The following FMN2 variants were observed in gnomAD, a reference collection of about 807,000 sequenced individuals.
The protein encoded by FMN2 is formin 2.
FMN2 carries 51 observed loss-of-function variants against 142.3 expected under a neutral mutation model. The observed-to-expected ratio is 0.36, with a 90% CI of 0.29 to 0.45. The LOEUF is 0.45. Ranked by LOEUF, FMN2 falls within the 20% of genes least tolerant of loss-of-function variation. The pLI, the probability that FMN2 is intolerant of heterozygous loss-of-function variation, is 1.00. For missense variants in FMN2, 1,936 were observed against 2,122.8 expected (o/e 0.91, Z 1.73); for synonymous variants, 882 against 869.8 (o/e 1.01, Z -0.25).
At chr1:240,167,821 A>G (rs1279059777) in intron 2 of FMN2, among the ~76,000 whole-genome samples, 2 of 152,216 alleles carry the variant, frequency 1.3e-5, no homozygotes, top group Non-Finnish European at 2.9e-5. Flanking sequence ...TCACACCTGT[A>G]ATCCCAGCAC....
At chr1:240,264,853 T>G (rs986532383) in intron 7 of FMN2, among the ~76,000 whole-genome samples, 6 of 152,226 alleles carry the variant, frequency 3.9e-5, no homozygotes, top group African/African-American at 1.4e-4. Flanking sequence ...GTTTGAACTT[T>G]GCTTCTTCCG....
Position 240,092,447 on chromosome 1 carries a change from C to T in FMN2, c.338C>T (p.Ser113Phe), listed in dbSNP as rs372489487. The change falls in exon 1 of 18, where the codon TCC becomes TTC. Residue 113 changes from serine to phenylalanine, a missense_variant. Ser to Phe is a radical substitution (Grantham distance 155). Coordinates refer to ENST00000319653, the MANE Select transcript of FMN2 (RefSeq NM_020066.5). ...ACCGGGGAGCTGGACAGCGCTCACTCCCTGCTCACCAAGACTCCAGACCTC... is the reference window on the plus strand; with the variant it reads ...ACCGGGGAGCTGGACAGCGCTCACTTCCTGCTCACCAAGACTCCAGACCTC... ...LQTGELDSAH[S>F]LLTKTPDLSL... is the part of the protein sequence containing the mutation. 1.3e-4 allele frequency: 208 copies of T among 1,610,288 alleles called. No homozygotes were observed. Among genetic ancestry groups the T allele is most frequent in the Non-Finnish European group, 1.6e-4 (183 of 1,178,540 alleles).
intron 1 of FMN2, among the ~76,000 whole-genome samples, chr1:240,107,629 A>T (rs528342182): frequency 1.3e-5 from 2 of 152,248 alleles, no homozygotes; most frequent in Non-Finnish European, 2.9e-5. Context: ...TTATCATCAT[A>T]TGTGTTCTAT....
intron 13 of FMN2, among the ~76,000 whole-genome samples, chr1:240,352,098 G>T (rs1672114902): frequency 1.3e-5 from 2 of 152,040 alleles, no homozygotes; most frequent in South Asian, 4.1e-4. Context: ...TTCCCTGCTA[G>T]CCTACGTTAT....
At chr1:240,392,401 C>A in intron 14 of FMN2, 110 bp from the exon 15 acceptor site, 1 of 748,960 alleles carries the variant, frequency 1.3e-6, no homozygotes, top group Non-Finnish European at 2.2e-6. Flanking sequence ...GGTTGTAGTA[C>A]AATAGAATTA....
chr1:240,216,124 A>G (rs1173225646), intron 6 of FMN2, among the ~76,000 whole-genome samples: 1 of 152,224 alleles, frequency 6.6e-6, no homozygotes, highest in Non-Finnish European at 1.5e-5. Context: ...TTCCGTAAGC[A>G]GTAAAAGTAA....
At chr1:240,223,189 C>T (rs1046417861) in intron 6 of FMN2, among the ~76,000 whole-genome samples, 2 of 152,118 alleles carry the variant, frequency 1.3e-5, no homozygotes, top group African/African-American at 2.4e-5. Context: ...GAGCTTTTAG[C>T]ATAAAGCGGT....
intron 8 of FMN2, among the ~76,000 whole-genome samples, chr1:240,324,562 G>T (rs750263061): frequency 1.3e-5 from 2 of 151,980 alleles, no homozygotes; most frequent in Non-Finnish European, 2.9e-5. Flanking sequence ...CTAAGTGGCT[G>T]AGGCATGAGA....
chr1:240,308,477 G>A (rs1670490082), intron 8 of FMN2, among the ~76,000 whole-genome samples: 1 of 152,168 alleles, frequency 6.6e-6, no homozygotes, highest in Non-Finnish European at 1.5e-5. Flanking sequence ...GCAGCCTGAA[G>A]CCATGGTGTT....
chr1:240,314,250 A>G (rs1282139410), intron 8 of FMN2, among the ~76,000 whole-genome samples: 1 of 152,188 alleles, frequency 6.6e-6, no homozygotes, highest in African/African-American at 2.4e-5. Flanking sequence ...GGGGGAGTAG[A>G]TCATAAAGAC....
intron 6 of FMN2, among the ~76,000 whole-genome samples, chr1:240,252,478 C>A (rs10926180): frequency 1.5e-3 from 232 of 151,308 alleles, no homozygotes; most frequent in African/African-American, 5.4e-3. Flanking sequence ...TTTTGCTTGT[C>A]TAGGAAAGAC....
chr1:240,168,896 A>G (rs1664589210), intron 2 of FMN2, among the ~76,000 whole-genome samples: 1 of 152,088 alleles, frequency 6.6e-6, no homozygotes, highest in African/African-American at 2.4e-5. Flanking sequence ...CACAATTTAT[A>G]TTGTCCCTGA....
chr1:240,402,764 T>C (rs1674033905), intron 15 of FMN2, among the ~76,000 whole-genome samples: 1 of 152,256 alleles, frequency 6.6e-6, no homozygotes, highest in South Asian at 2.1e-4. Flanking sequence ...GCAGAGAATG[T>C]AGAAATTTTG....
chr1:240,229,253 C>T (rs1667452996), intron 6 of FMN2, among the ~76,000 whole-genome samples: 1 of 152,138 alleles, frequency 6.6e-6, no homozygotes, highest in South Asian at 2.1e-4. Context: ...GTTGAACAGA[C>T]CTATGTGGAA....
rs562170376 is a variant in FMN2 at position 240,322,319 on chromosome 1, G to C, written c.4216-6757G>C. Among the ~76,000 whole-genome samples the C allele has an allele frequency of 1.3e-5, 2 of 152,218 alleles. 1 individual carries two copies. Among genetic ancestry groups the C allele is most frequent in the African/African-American group, 4.8e-5 (2 of 41,546 alleles). On this transcript the variant is annotated intron_variant, in intron 8 of 17. Transcript: ENST00000319653. The stretch of plus-strand genomic sequence containing the variant: ...GAGTAAAGAATCTTCGGTCTAAAAT[G>C]CTTGAGAATTGCTATAGTTGATGGC...
rs1664662915 is a variant in FMN2 at position 240,170,655 on chromosome 1, T to C, written c.1783-7266T>C. The C allele has an allele frequency of 3.2e-6, 5 of 1,573,544 alleles. No individual in the cohort carries two copies. In the East Asian group the frequency reaches 1.1e-4, roughly 35 times the overall value. On this transcript the variant is annotated intron_variant, in intron 2 of 17. Coordinates refer to ENST00000319653, the MANE Select transcript of FMN2 (RefSeq NM_020066.5). ...ATATCTCTGTTGCTAAAATAGATTC[T>C]TTAGCACCTTTGGATAAAGTCTGCC...
chr1:240,251,241 G>GT (rs1668268624), intron 6 of FMN2, among the ~76,000 whole-genome samples: 1 of 151,702 alleles, frequency 6.6e-6, no homozygotes. Context: ...TACTAGTTTT[G>GT]TTGTATCTCA....
In FMN2 at chr1:240,295,419, A is replaced by G. The variant is rs182926904; in HGVS notation, c.4215+536A>G. Among the ~76,000 whole-genome samples the G allele has an allele frequency of 1.1e-4, 17 of 152,256 alleles. No homozygotes were observed. The East Asian group carries it at 3.3e-3, about 29-fold the overall frequency. ...ATTCATCTTATAACTGAAAGTTTGT[A>G]CCTTTTGACCAATATCTCCCTATTT... On this transcript the variant is annotated intron_variant, in intron 8 of 17. Coordinates refer to ENST00000319653, the MANE Select transcript of FMN2 (RefSeq NM_020066.5).
At chr1:240,145,626 C>T (rs1011413208) in intron 2 of FMN2, among the ~76,000 whole-genome samples, 1 of 136,750 alleles carries the variant, frequency 7.3e-6, no homozygotes, top group African/African-American at 2.7e-5. Flanking sequence ...ACTGCAGCTT[C>T]AGACTGTCGA....
Sources: allele counts gnomAD v4.1 joint callset (sites outside exome capture counted in the v4.1 genomes callset), GRCh38; gene constraint gnomAD v4.1.1; transcripts MANE v1.5; gene names NCBI Gene and HGNC (gene_info 2026-07-23, HGNC 2026-07-21).